SLIT3: variants seen among roughly 807,000 people sequenced by gnomAD.
The protein encoded by SLIT3 is slit guidance ligand 3.
SLIT3 carries 68 observed loss-of-function variants against 184.0 expected under a neutral mutation model. The ratio of observed to expected loss-of-function variants is 0.37; its 90% CI spans 0.30 to 0.45. SLIT3 has a LOEUF of 0.45. SLIT3 is among the 20% of genes least tolerant of loss of function. The pLI, the probability that SLIT3 is intolerant of heterozygous loss-of-function variation, is 1.00. For synonymous variants in SLIT3, 831 were observed against 828.6 expected (o/e 1.00, Z -0.05); for missense variants, 1,707 against 2,026.0 (o/e 0.84, Z 3.02).
chr5:169,247,748 A>T (rs1397373885), intron 2 of SLIT3, among the ~76,000 whole-genome samples: 2 of 151,968 alleles, frequency 1.3e-5, no homozygotes, highest in South Asian at 4.2e-4. Flanking sequence ...CTATAGGCGC[A>T]TGCCACCACA....
chr5:169,268,226 G>A (rs1276389538), intron 1 of SLIT3, among the ~76,000 whole-genome samples: 6 of 152,190 alleles, frequency 3.9e-5, no homozygotes, highest in Admixed American at 2.0e-4. Context: ...GAGTGGCGGA[G>A]GGGGGAATGT....
chr5:168,700,618 G>T lies in SLIT3; in HGVS notation c.2906C>A (p.Thr969Asn), dbSNP rs755392461. 6.2e-7 allele frequency: 1 copy of T among 1,614,068 alleles called. No individual in the cohort carries two copies. The highest frequency in any genetic ancestry group is 1.7e-5 in the Admixed American group (1 of 60,006). ...CTTGTGGCTGTCACTCAGGTGGCAGGTGCCTCCATGCTGACAGGGGTTCTG... is the reference window on the plus strand; with the variant it reads ...CTTGTGGCTGTCACTCAGGTGGCAGTTGCCTCCATGCTGACAGGGGTTCTG... ...CIQNPCQHGG[T>N]CHLSDSHKDG... is the part of the protein sequence containing the mutation. Residue 969 changes from threonine to asparagine, a missense_variant, in exon 27 of 36, where the codon ACC (threonine) becomes AAC (asparagine). This residue lies in a region of SLIT3 where 1,307 missense variants were observed against 1,511.6 expected (regional missense o/e 0.86). Coordinates refer to ENST00000519560, the MANE Select transcript of SLIT3 (RefSeq NM_003062.4).
intron 5 of SLIT3, among the ~76,000 whole-genome samples, chr5:168,856,811 G>GCA (rs1758895185): frequency 2.0e-5 from 3 of 151,298 alleles, no homozygotes; most frequent in South Asian, 2.1e-4. Flanking sequence ...GTGTGTGCGC[G>GCA]CGCGCGCACG....
At chr5:169,006,034 C>G (rs1755912733) in intron 4 of SLIT3, among the ~76,000 whole-genome samples, 1 of 152,190 alleles carries the variant, frequency 6.6e-6, no homozygotes, top group African/African-American at 2.4e-5. Context: ...AGGCCCTTGT[C>G]CTTGTGGTGG....
At chr5:169,016,867 G>C (rs1034878885) in intron 4 of SLIT3, among the ~76,000 whole-genome samples, 2 of 152,048 alleles carry the variant, frequency 1.3e-5, no homozygotes, top group East Asian at 3.8e-4. Flanking sequence ...TTATTTTTTG[G>C]AGTTTGTATC....
At chr5:169,093,010 C>T (rs910307537) in intron 4 of SLIT3, among the ~76,000 whole-genome samples, 4 of 152,092 alleles carry the variant, frequency 2.6e-5, no homozygotes, top group African/African-American at 4.8e-5. Context: ...TTCTGGAAAA[C>T]GGTTTTCAAT....
At chr5:168,913,071 TCTCCAAAA>T (rs1761305596) in intron 4 of SLIT3, among the ~76,000 whole-genome samples, 1 of 152,224 alleles carries the variant, frequency 6.6e-6, no homozygotes, top group African/African-American at 2.4e-5. Context: ...TTTGGCCTTT[TCTCCAAAA>T]CTTGACTGCA....
intron 4 of SLIT3, among the ~76,000 whole-genome samples, chr5:169,174,457 T>C (rs991274243): frequency 8.5e-5 from 13 of 152,184 alleles, no homozygotes; most frequent in African/African-American, 2.2e-4. Flanking sequence ...CTGATATGTA[T>C]GATCAGCTTC....
chr5:168,795,140 C>T (rs751633054), intron 10 of SLIT3, among the ~76,000 whole-genome samples: 15 of 152,244 alleles, frequency 9.9e-5, no homozygotes, highest in East Asian at 3.9e-4. Context: ...TAGACAGCTG[C>T]GGGGCCACCA....
At chr5:169,026,124 G>A (rs1397830638) in intron 4 of SLIT3, among the ~76,000 whole-genome samples, 1 of 152,154 alleles carries the variant, frequency 6.6e-6, no homozygotes, top group Non-Finnish European at 1.5e-5. Context: ...CCTGGGTGTG[G>A]TGACTCCCTG....
intron 4 of SLIT3, among the ~76,000 whole-genome samples, chr5:168,911,624 A>C (rs994499205): frequency 1.4e-4 from 22 of 152,174 alleles, no homozygotes; most frequent in African/African-American, 4.6e-4. Context: ...TACCCTTCTA[A>C]ATAATTCCAG....
At chr5:169,264,519 C>G (rs974949199) in intron 1 of SLIT3, among the ~76,000 whole-genome samples, 2 of 152,206 alleles carry the variant, frequency 1.3e-5, no homozygotes, top group Non-Finnish European at 2.9e-5. Context: ...ACCTCTGAAA[C>G]TGCTCACATC....
intron 4 of SLIT3, among the ~76,000 whole-genome samples, chr5:168,915,184 T>C (rs762349918): frequency 6.6e-6 from 1 of 152,188 alleles, no homozygotes; most frequent in Non-Finnish European, 1.5e-5. Context: ...TTTCTGAACT[T>C]TGCTTTTCAT....
At chr5:168,873,646 G>A (rs993887851) in intron 5 of SLIT3, among the ~76,000 whole-genome samples, 7 of 152,008 alleles carry the variant, frequency 4.6e-5, no homozygotes, top group African/African-American at 1.5e-4. Flanking sequence ...TCAAAGATAA[G>A]ATAATACACG....
chr5:169,294,697 C>G (rs1283704243), intron 1 of SLIT3, among the ~76,000 whole-genome samples: 1 of 152,220 alleles, frequency 6.6e-6, no homozygotes, highest in African/African-American at 2.4e-5. Context: ...GGGATACGTT[C>G]TAAGAAACTC....
chr5:169,259,456 CTT>C (rs1004682054), intron 1 of SLIT3, among the ~76,000 whole-genome samples: 1 of 152,164 alleles, frequency 6.6e-6, no homozygotes, highest in African/African-American at 2.4e-5. Context: ...TTGGGATAGA[CTT>C]TTAAAAAGAT....
chr5:168,764,190 A>G (rs372813509), intron 14 of SLIT3, among the ~76,000 whole-genome samples: 7 of 152,158 alleles, frequency 4.6e-5, no homozygotes, highest in African/African-American at 1.2e-4. Flanking sequence ...CTTTTTTTCT[A>G]CAACCTGGCA....
chr5:168,753,784 G>T, intron 17 of SLIT3, 80 bp downstream of exon 17: 1 of 1,511,508 alleles, frequency 6.6e-7, no homozygotes. Flanking sequence ...GGTCCCACTT[G>T]CCTTCGTAGT....
intron 4 of SLIT3, among the ~76,000 whole-genome samples, chr5:168,955,787 C>T (rs912229795): frequency 6.6e-6 from 1 of 152,192 alleles, no homozygotes; most frequent in African/African-American, 2.4e-5. Flanking sequence ...CCACAGAGTA[C>T]CCACAGGGAG....
Sources: gnomAD v4.1 joint callset for allele counts (sites outside exome capture counted in the v4.1 genomes callset) on GRCh38, gnomAD v4.1.1 for gene constraint, gnomAD v4.1.1 regional missense constraint, MANE v1.5 for transcripts, NCBI Gene and HGNC (gene_info 2026-07-23, HGNC 2026-07-21) for gene names.